The following FHOD3 variants were observed in gnomAD, a reference collection of about 807,000 sequenced individuals.
FHOD3 encodes FH1/FH2 domain-containing protein 3.
In FHOD3, 90 loss-of-function variants were observed where a neutral mutation model predicts 173.0. That is an observed-to-expected ratio of 0.52 (90% confidence interval 0.44 to 0.62). FHOD3 has a LOEUF of 0.62. Among genes scored for constraint, FHOD3 ranks in the 20% least tolerant of loss-of-function variants. FHOD3 has a pLI of 0.00. For missense variants in FHOD3, 1,945 were observed against 2,034.7 expected (o/e 0.96, Z 0.85); for synonymous variants, 828 against 823.0 (o/e 1.01, Z -0.10).
intron 27 of FHOD3, among the ~76,000 whole-genome samples, chr18:36,768,941 A>G (rs111730808): frequency 0.017 from 2,590 of 152,270 alleles, 41 homozygotes; most frequent in Middle Eastern, 0.024. Context: ...AGGACCTGGC[A>G]GGTAAAGACA....
At chr18:36,557,592 T>G (rs2057938679) in intron 5 of FHOD3, among the ~76,000 whole-genome samples, 1 of 152,236 alleles carries the variant, frequency 6.6e-6, no homozygotes, top group Non-Finnish European at 1.5e-5. Context: ...CCCATATGTT[T>G]TAATTGATTT....
intron 17 of FHOD3, among the ~76,000 whole-genome samples, chr18:36,702,556 T>G (rs922723359): frequency 6.6e-6 from 1 of 152,158 alleles, no homozygotes; most frequent in Non-Finnish European, 1.5e-5. Flanking sequence ...GAGCAACTAT[T>G]ATAGAACTGG....
At chr18:36,651,055 T>A (rs2036015933) in intron 11 of FHOD3, among the ~76,000 whole-genome samples, 1 of 152,198 alleles carries the variant, frequency 6.6e-6, no homozygotes, top group African/African-American at 2.4e-5. Flanking sequence ...GGCGTAAACT[T>A]CTGAGACCGT....
At chr18:36,654,283 G>A (rs571455030) in intron 13 of FHOD3, among the ~76,000 whole-genome samples, 3 of 152,282 alleles carry the variant, frequency 2.0e-5, no homozygotes, top group South Asian at 2.1e-4. Flanking sequence ...ATGGGTATCA[G>A]ACCTTTCACC....
chr18:36,513,726 T>C (rs1479467685), intron 5 of FHOD3, among the ~76,000 whole-genome samples: 1 of 151,904 alleles, frequency 6.6e-6, no homozygotes. Flanking sequence ...CCCTCTTCTG[T>C]AGAGCCACTG....
At position 36,540,138 on chromosome 18, in the gene FHOD3, G is replaced by T. The variant is rs2057149335; in HGVS notation, c.511+27595G>T. ...ATGAGATATTAGACAGGTTTGTAGG[G>T]CCTTTAAGAGGGGAAAATTCTGCAT... On this transcript the variant is annotated intron_variant, in intron 5 of 28. Coordinates refer to ENST00000590592, the MANE Select transcript of FHOD3 (RefSeq NM_001281740.3). Among the ~76,000 whole-genome samples, 3 of 152,272 alleles carry T rather than the reference G, an allele frequency of 2.0e-5. No homozygotes were observed. The East Asian group carries it at 5.8e-4, about 29-fold the overall frequency.
chr18:36,595,482 C>T (rs1484482807), intron 7 of FHOD3, among the ~76,000 whole-genome samples: 1 of 152,130 alleles, frequency 6.6e-6, no homozygotes, highest in Non-Finnish European at 1.5e-5. Context: ...CTGCCACCCC[C>T]TTCTCCCACC....
At position 36,482,856 on chromosome 18, in the gene FHOD3, C is replaced by T. The variant is rs866845975; in HGVS notation, c.338-19076C>T. 3.1e-5 allele frequency among the ~76,000 whole-genome samples: 2 copies of T among 64,068 alleles called. 1 individual carries two copies. 42.0% of individuals were successfully genotyped at this position (64,068 alleles called of 152,430 possible). ...ACACACACACACACACTCACACACA[C>T]ACAGAGAGAGAGAGAGAGAGAGAGA... On this transcript the variant is annotated intron_variant, in intron 3 of 28. Transcript: ENST00000590592.
intron 5 of FHOD3, among the ~76,000 whole-genome samples, chr18:36,513,183 A>AAAC (rs1370408262): frequency 6.7e-6 from 1 of 148,900 alleles, no homozygotes; most frequent in Non-Finnish European, 1.5e-5. Context: ...TGATCCTGTA[A>AAAC]AAAAAAAAAA....
chr18:36,528,438 A>G (rs572163231), intron 5 of FHOD3, among the ~76,000 whole-genome samples: 1 of 152,318 alleles, frequency 6.6e-6, no homozygotes, highest in East Asian at 1.9e-4. Context: ...TTTCTCAGAA[A>G]TAAAGCCTGT....
Position 36,763,542 on chromosome 18 carries a change from C to T in FHOD3, c.4624+2760C>T, listed in dbSNP as rs892137073. ...CGTTATATATAATATGTGTATTATA[C>T]ACGTTATATATAATATGTGTATTAT... On this transcript the variant is annotated intron_variant, in intron 27 of 28. Transcript: ENST00000590592. Among the ~76,000 whole-genome samples, 91 of 135,904 alleles carry T rather than the reference C, an allele frequency of 6.7e-4. 8 individuals are homozygous for T. The highest frequency in any genetic ancestry group is 5.1e-4 in the Non-Finnish European group (33 of 64,140). 89.2% of individuals were successfully genotyped at this position (135,904 alleles called of 152,430 possible).
intron 10 of FHOD3, among the ~76,000 whole-genome samples, chr18:36,633,686 T>A (rs1568525274): frequency 2.0e-5 from 3 of 152,196 alleles, no homozygotes. Context: ...CTGAAAGTAC[T>A]CTCTGAATCT....
chr18:36,481,018 T>TG (rs1173263321), intron 3 of FHOD3, among the ~76,000 whole-genome samples: 8 of 86,806 alleles, frequency 9.2e-5, no homozygotes, highest in African/African-American at 3.8e-4. Context: ...TATTGGGAGG[T>TG]GGTTTTTTTT....
intron 5 of FHOD3, among the ~76,000 whole-genome samples, chr18:36,520,889 C>T (rs888923346): frequency 3.9e-5 from 6 of 152,240 alleles, no homozygotes; most frequent in Admixed American, 3.3e-4. Context: ...TGTGCCTCCT[C>T]ACTCTGTCCT....
chr18:36,758,074 G>A (rs2042708587), intron 25 of FHOD3, among the ~76,000 whole-genome samples: 2 of 152,206 alleles, frequency 1.3e-5, no homozygotes, highest in Non-Finnish European at 2.9e-5. Flanking sequence ...CCTTGAACAT[G>A]TGTGAATTTC....
chr18:36,410,312 C>G (rs993164932), intron 3 of FHOD3, among the ~76,000 whole-genome samples: 4 of 152,150 alleles, frequency 2.6e-5, no homozygotes, highest in African/African-American at 9.7e-5. Context: ...TCTCAAGGTT[C>G]ATCCATGTTG....
intron 28 of FHOD3, among the ~76,000 whole-genome samples, chr18:36,769,955 T>G (rs1463505657): frequency 6.6e-6 from 1 of 152,156 alleles, no homozygotes; most frequent in Admixed American, 6.5e-5. Flanking sequence ...AGGTTGACCA[T>G]TTTTTCCTTT....
At chr18:36,735,431 A>G (rs1229773675) in intron 20 of FHOD3, among the ~76,000 whole-genome samples, 1 of 152,172 alleles carries the variant, frequency 6.6e-6, no homozygotes, top group Admixed American at 6.5e-5. Flanking sequence ...GGTTGAATTT[A>G]TTCACTATTA....
At chr18:36,581,055 T>C (rs1390602166) in intron 6 of FHOD3, among the ~76,000 whole-genome samples, 1 of 152,258 alleles carries the variant, frequency 6.6e-6, no homozygotes, top group East Asian at 1.9e-4. Context: ...CATTATGCAA[T>C]GCATATTTGC....
Sources: gnomAD v4.1 joint callset for allele counts (sites outside exome capture counted in the v4.1 genomes callset) on GRCh38, gnomAD v4.1.1 for gene constraint, MANE v1.5 for transcripts, NCBI Gene and HGNC (gene_info 2026-07-23, HGNC 2026-07-21) for gene names.